FAXDC2: variants seen among roughly 807,000 people sequenced by gnomAD.
FAXDC2 encodes the protein fatty acid hydroxylase domain containing 2, also known as fatty acid hydroxylase domain-containing protein 2.
A neutral mutation model predicts 40.9 loss-of-function variants in FAXDC2; 41 were observed. That is an observed-to-expected ratio of 1.00 (90% CI 0.78 to 1.30). The LOEUF is 1.30. Among genes scored for constraint, FAXDC2 ranks in the 50% most tolerant of loss-of-function variants. FAXDC2 has a pLI of 0.00. For missense variants in FAXDC2, 390 were observed against 408.8 expected (o/e 0.95, Z 0.40); for synonymous variants, 157 against 149.3 (o/e 1.05, Z -0.38).
At chr5:154,844,245 CAT>C (rs1760544877) in intron 1 of FAXDC2, among the ~76,000 whole-genome samples, 1 of 150,794 alleles carries the variant, frequency 6.6e-6, no homozygotes, top group South Asian at 2.1e-4. Flanking sequence ...GCCTGGAAAA[CAT>C]AGTGAGACCC....
chr5:154,831,393 C>A (rs1423031559), intron 4 of FAXDC2: 1 of 154,650 alleles, frequency 6.5e-6, no homozygotes, highest in Non-Finnish European at 1.4e-5. Flanking sequence ...AGCAGAACTT[C>A]AGGTGTCATC....
chr5:154,820,285 G>T lies in FAXDC2; in HGVS notation c.*31C>A. The T allele has an allele frequency of 6.4e-7, 1 of 1,555,130 alleles. No individual in the cohort carries two copies. Among genetic ancestry groups the T allele is most frequent in the Non-Finnish European group, 8.7e-7 (1 of 1,147,114 alleles). ...AGCCGTGTCTGCATCCCATGGCTGA[G>T]GGACAGCCAGGATGACACTTAGGCT... On this transcript the variant is annotated 3_prime_UTR_variant, in exon 9 of 9. Transcript: ENST00000326080.
chr5:154,836,903 G>A (rs1450824539), intron 2 of FAXDC2, among the ~76,000 whole-genome samples: 1 of 152,148 alleles, frequency 6.6e-6, no homozygotes, highest in Non-Finnish European at 1.5e-5. Context: ...TTGAACTCCT[G>A]ACCTCAGGTG....
intron 1 of FAXDC2, among the ~76,000 whole-genome samples, chr5:154,842,855 T>C (rs1760513757): frequency 6.6e-6 from 1 of 151,044 alleles, no homozygotes; most frequent in Admixed American, 6.6e-5. Flanking sequence ...AAAATAGAGA[T>C]ATAGGGTCTT....
intron 1 of FAXDC2, among the ~76,000 whole-genome samples, chr5:154,840,073 A>G (rs942988426): frequency 1.2e-4 from 18 of 152,210 alleles, no homozygotes; most frequent in Non-Finnish European, 4.4e-5. Flanking sequence ...TCTATAGATG[A>G]TAAGTAGCAG....
chr5:154,824,448 C>G, intron 5 of FAXDC2: 1 of 702,184 alleles, frequency 1.4e-6, no homozygotes, highest in Non-Finnish European at 2.6e-6. Flanking sequence ...TGGTCCCCAG[C>G]TTGAGGCCTG....
chr5:154,836,836 G>A (rs932240457), intron 2 of FAXDC2, among the ~76,000 whole-genome samples: 7 of 151,986 alleles, frequency 4.6e-5, no homozygotes, highest in African/African-American at 1.5e-4. Flanking sequence ...CACCAAGCCC[G>A]GCTAAATTTT....
intron 8 of FAXDC2, 40 bp from the exon 9 acceptor site, chr5:154,820,512 G>A (rs372888865): frequency 2.6e-6 from 4 of 1,557,038 alleles, no homozygotes; most frequent in Non-Finnish European, 3.5e-6. Flanking sequence ...CCATGCTGGA[G>A]GCTTCCGTGC....
At chr5:154,824,980 G>A (rs966360497) in intron 5 of FAXDC2, among the ~76,000 whole-genome samples, 1 of 149,086 alleles carries the variant, frequency 6.7e-6, no homozygotes, top group African/African-American at 2.5e-5. Context: ...CTATTCAGAA[G>A]CCTGGGGTGG....
At chr5:154,826,542 A>G (rs2688183) in intron 5 of FAXDC2, among the ~76,000 whole-genome samples, 8,285 of 151,462 alleles carry the variant, frequency 0.055, 444 homozygotes, top group African/African-American at 0.14. Context: ...AAAAAAAAAA[A>G]AAAAGAAAAG....
rs752461757 is a variant in FAXDC2 at position 154,820,277 on chromosome 5, A to G, written c.*39T>C. 10 of 1,530,436 alleles carry G rather than the reference A, an allele frequency of 6.5e-6. No homozygotes were observed. The highest frequency in any genetic ancestry group is 1.2e-5 in the South Asian group (1 of 80,414). 94.8% of individuals were successfully genotyped at this position (1,530,436 alleles called of 1,614,324 possible). ...AATCAGGAAGCCGTGTCTGCATCCC[A>G]TGGCTGAGGGACAGCCAGGATGACA... On this transcript the variant is annotated 3_prime_UTR_variant, in exon 9 of 9. Transcript: ENST00000326080.
intron 7 of FAXDC2, among the ~76,000 whole-genome samples, chr5:154,821,701 A>G (rs1759893295): frequency 6.6e-6 from 1 of 152,254 alleles, no homozygotes; most frequent in South Asian, 2.1e-4. Context: ...AATCCCAGCA[A>G]TTTGGGAGAC....
Position 154,820,224 on chromosome 5 carries a change from T to C in FAXDC2, c.*92A>G. On this transcript the variant is annotated 3_prime_UTR_variant, in exon 9 of 9. Transcript: ENST00000326080. ...CTGGTGGTGCCATCATTAGGGCGTG[T>C]GGCCGAAGGAGGCAAATTGTTAGGT... 1.9e-6 allele frequency: 2 copies of C among 1,074,916 alleles called. No individual in the cohort carries two copies. Among genetic ancestry groups the C allele is most frequent in the Non-Finnish European group, 2.7e-6 (2 of 741,734 alleles). 66.6% of individuals were successfully genotyped at this position (1,074,916 alleles called of 1,614,324 possible).
chr5:154,831,600 C>T lies in FAXDC2; in HGVS notation c.245-678G>A, dbSNP rs145097970. ...GAATAGTTGGGGCTACCGGCACCTG[C>T]CACCATGCCCAGCTAGGACTCGGCT... is the stretch of plus-strand genomic sequence containing the variant. On this transcript the variant is annotated intron_variant, in intron 4 of 8. Transcript: ENST00000326080. Among the ~76,000 whole-genome samples the T allele has an allele frequency of 3.2e-3, 487 of 152,300 alleles. 3 individuals are homozygous for T. Among genetic ancestry groups the T allele is most frequent in the African/African-American group, 0.011 (474 of 41,558 alleles).
intron 6 of FAXDC2, among the ~76,000 whole-genome samples, chr5:154,823,112 T>C (rs1284860342): frequency 6.6e-6 from 1 of 152,124 alleles, no homozygotes; most frequent in Non-Finnish European, 1.5e-5. Flanking sequence ...CCCGGGCTCA[T>C]GTGATCCTCC....
In FAXDC2 at chr5:154,848,129, A is replaced by G. The variant is rs149951666; in HGVS notation, c.-1+2354T>C. ...GCTGGGATTACAGGCGTGAGCCACCATGCCCGGCCTACTGAATGTTCCTAT... is the reference window on the plus strand; with the variant it reads ...GCTGGGATTACAGGCGTGAGCCACCGTGCCCGGCCTACTGAATGTTCCTAT... On this transcript the variant is annotated intron_variant, in intron 1 of 8. Coordinates refer to ENST00000326080, the MANE Select transcript of FAXDC2 (RefSeq NM_032385.5). 5.9e-3 allele frequency among the ~76,000 whole-genome samples: 894 copies of G among 152,232 alleles called. 4 individuals carry two copies. Among genetic ancestry groups the G allele is most frequent in the Middle Eastern group, 0.02 (6 of 294 alleles).
chr5:154,834,999 T>C, intron 2 of FAXDC2, 65 bp from the exon 3 acceptor site: 1 of 1,019,372 alleles, frequency 9.8e-7, no homozygotes, highest in Non-Finnish European at 1.5e-6. Context: ...AGCTCACTGC[T>C]GAGGCACAGC....
chr5:154,847,630 G>C lies in FAXDC2; in HGVS notation c.-1+2853C>G, dbSNP rs562323355. Among the ~76,000 whole-genome samples the C allele has an allele frequency of 6.6e-5, 10 of 151,162 alleles. 1 individual carries two copies. The highest frequency in any genetic ancestry group is 2.4e-4 in the African/African-American group (10 of 41,224). ...AGCCTCCTAAGTAGCTGGGATTACAGGCACCCACCCCCACCATGCCTGGCT... is the reference window on the plus strand; with the variant it reads ...AGCCTCCTAAGTAGCTGGGATTACACGCACCCACCCCCACCATGCCTGGCT... On this transcript the variant is annotated intron_variant, in intron 1 of 8. Transcript: ENST00000326080.
chr5:154,824,931 T>G lies in FAXDC2; in HGVS notation c.367-1339A>C, dbSNP rs535707158. On this transcript the variant is annotated intron_variant, in intron 5 of 8. Coordinates refer to ENST00000326080, the MANE Select transcript of FAXDC2 (RefSeq NM_032385.5). ...TCACGAAACCCCATCTAATTTTTTT[T>G]AAAAAGCTGGATGTGGTGGTGTGCA... 1.2e-4 allele frequency among the ~76,000 whole-genome samples: 18 copies of G among 151,990 alleles called. 1 individual carries two copies. In the South Asian group the frequency reaches 3.5e-3, roughly 30 times the overall value.
Sources: allele counts gnomAD v4.1 joint callset (sites outside exome capture counted in the v4.1 genomes callset), GRCh38; gene constraint gnomAD v4.1.1; transcripts MANE v1.5; gene names NCBI Gene and HGNC (gene_info 2026-07-23, HGNC 2026-07-21).